Variants in ADAMTS20 observed in about 807,000 individuals in gnomAD.
ADAMTS20 encodes A disintegrin and metalloproteinase with thrombospondin motifs 20.
Under a neutral mutation model 260.1 loss-of-function variants are expected in ADAMTS20, and 225 were observed. That is an observed-to-expected ratio of 0.87 (90% CI 0.78 to 0.97). The LOEUF (loss-of-function observed/expected upper bound fraction) is 0.97, where lower values mean the gene tolerates loss of function less well. ADAMTS20 is among the 50% of genes least tolerant of loss of function. ADAMTS20 has a pLI of 0.00. For missense variants in ADAMTS20, 2,400 were observed against 2,337.7 expected (o/e 1.03, Z -0.55); for synonymous variants, 802 against 769.5 (o/e 1.04, Z -0.70).
downstream of ADAMTS20, among the ~76,000 whole-genome samples, chr12:43,353,049 C>A (rs1041306498): frequency 6.6e-6 from 1 of 151,966 alleles, no homozygotes; most frequent in Non-Finnish European, 1.5e-5. Context: ...TGGCAAAAAT[C>A]TATTAGTAGA....
At chr12:43,537,450 G>A (rs1034258879) in intron 2 of ADAMTS20, among the ~76,000 whole-genome samples, 11 of 152,100 alleles carry the variant, frequency 7.2e-5, no homozygotes, top group African/African-American at 2.4e-4. Flanking sequence ...TGTGAAATAA[G>A]CACATCATGG....
chr12:43,489,849 T>C lies in ADAMTS20; in HGVS notation c.1117+546A>G, dbSNP rs193007505. Among the ~76,000 whole-genome samples, 8 of 152,128 alleles carry C rather than the reference T, an allele frequency of 5.3e-5. No individual in the cohort carries two copies. In the East Asian group the frequency reaches 1.5e-3, roughly 29 times the overall value. The stretch of plus-strand genomic sequence containing the variant: ...TGAAATATATAACAGTGAAAATGCA[T>C]GAACTTTGACTACAGAATTCAAAAA... On this transcript the variant is annotated intron_variant, in intron 7 of 38. Coordinates refer to ENST00000389420, the MANE Select transcript of ADAMTS20 (RefSeq NM_025003.5).
chr12:43,466,647 C>A lies in ADAMTS20; in HGVS notation c.1367+5G>T, dbSNP rs1343380838. Reference sequence around the variant, plus strand: ...TGTTCAATTATTTAACATAAATTTACTTACTCTAGGAATTCAGTAACATAT... The same window carrying A: ...TGTTCAATTATTTAACATAAATTTAATTACTCTAGGAATTCAGTAACATAT... On this transcript the variant is annotated splice_donor_5th_base_variant and intron_variant, in intron 9 of 38. Coordinates refer to ENST00000389420, the MANE Select transcript of ADAMTS20 (RefSeq NM_025003.5). The A allele has an allele frequency of 6.3e-7, 1 of 1,599,678 alleles. No homozygotes were observed. Among genetic ancestry groups the A allele is most frequent in the East Asian group, 2.2e-5 (1 of 44,530 alleles).
intron 2 of ADAMTS20, among the ~76,000 whole-genome samples, chr12:43,543,468 T>C (rs1565588586): frequency 6.6e-6 from 1 of 152,180 alleles, no homozygotes; most frequent in Non-Finnish European, 1.5e-5. Flanking sequence ...AGGGTTGCAG[T>C]CATGCTGGTC....
At chr12:43,548,126 C>T (rs1943465312) in intron 2 of ADAMTS20, among the ~76,000 whole-genome samples, 1 of 152,080 alleles carries the variant, frequency 6.6e-6, no homozygotes, top group Admixed American at 6.6e-5. Context: ...TTTCAATATA[C>T]TCAGGAAAAA....
At chr12:43,447,060 T>C (rs1311611176) in intron 14 of ADAMTS20, among the ~76,000 whole-genome samples, 2 of 151,814 alleles carry the variant, frequency 1.3e-5, no homozygotes, top group African/African-American at 2.4e-5. Flanking sequence ...CTACTAGATG[T>C]ACAAATAAGA....
chr12:43,535,173 C>A (rs1419061360), intron 2 of ADAMTS20, among the ~76,000 whole-genome samples: 2 of 152,146 alleles, frequency 1.3e-5, no homozygotes, highest in Admixed American at 1.3e-4. Flanking sequence ...TAAAACTATT[C>A]TTCCCCACTA....
intron 2 of ADAMTS20, among the ~76,000 whole-genome samples, chr12:43,539,404 A>C (rs1260007920): frequency 1.3e-5 from 2 of 152,220 alleles, no homozygotes; most frequent in African/African-American, 2.4e-5. Flanking sequence ...TAGTTCAAAA[A>C]TTAATGAAAT....
intron 11 of ADAMTS20, among the ~76,000 whole-genome samples, chr12:43,459,354 G>T (rs1486455201): frequency 6.6e-6 from 1 of 152,196 alleles, no homozygotes; most frequent in Admixed American, 6.5e-5. Flanking sequence ...CTGAACACTA[G>T]TCACCGGGTT....
At chr12:43,364,783 A>G (rs1160017399) in intron 37 of ADAMTS20, among the ~76,000 whole-genome samples, 1 of 152,170 alleles carries the variant, frequency 6.6e-6, no homozygotes, top group Non-Finnish European at 1.5e-5. Flanking sequence ...CAGAAGAATT[A>G]AAAAGAGCAG....
At chr12:43,407,483 T>C (rs1940940880) in intron 28 of ADAMTS20, among the ~76,000 whole-genome samples, 1 of 151,680 alleles carries the variant, frequency 6.6e-6, no homozygotes, top group Non-Finnish European at 1.5e-5. Context: ...GATAATTTAC[T>C]ATAATTATTA....
At chr12:43,415,408 T>C (rs1197168407) in intron 28 of ADAMTS20, among the ~76,000 whole-genome samples, 27 of 152,190 alleles carry the variant, frequency 1.8e-4, no homozygotes, top group Admixed American at 1.8e-3. Context: ...TATACTAGAG[T>C]ACAACTTTCT....
At chr12:43,372,610 A>G (rs1430739792) in intron 36 of ADAMTS20, among the ~76,000 whole-genome samples, 1 of 152,236 alleles carries the variant, frequency 6.6e-6, no homozygotes, top group Non-Finnish European at 1.5e-5. Context: ...GACGAAAGAA[A>G]TAAAATGTTT....
intron 3 of ADAMTS20, among the ~76,000 whole-genome samples, chr12:43,515,359 T>A (rs1199761632): frequency 6.6e-6 from 1 of 152,242 alleles, no homozygotes; most frequent in African/African-American, 2.4e-5. Flanking sequence ...CCTTTTGTTA[T>A]TAACTCTGTA....
At chr12:43,357,993 A>G (rs562944058) in intron 37 of ADAMTS20, among the ~76,000 whole-genome samples, 1 of 152,338 alleles carries the variant, frequency 6.6e-6, no homozygotes, top group South Asian at 2.1e-4. Flanking sequence ...CAGGTTTTGC[A>G]CTGTATACCT....
At chr12:43,399,985 C>A (rs938167365) in intron 28 of ADAMTS20, among the ~76,000 whole-genome samples, 10 of 152,008 alleles carry the variant, frequency 6.6e-5, no homozygotes, top group African/African-American at 1.9e-4. Context: ...CATTTCATAA[C>A]CTGTCCAAGT....
intron 28 of ADAMTS20, among the ~76,000 whole-genome samples, chr12:43,411,039 A>G (rs1031866085): frequency 1.3e-5 from 2 of 152,236 alleles, no homozygotes; most frequent in African/African-American, 2.4e-5. Flanking sequence ...AGGGAAAAAC[A>G]TATCTTAAAA....
Position 43,356,487 on chromosome 12 carries a change from T to C in ADAMTS20, c.5640A>G (p.Ser1880=), listed in dbSNP as rs1391118056. The C allele has an allele frequency of 2.9e-5, 47 of 1,601,108 alleles. No individual in the cohort carries two copies. The highest frequency in any genetic ancestry group is 3.7e-5 in the Non-Finnish European group (43 of 1,172,334). ...GSYTSVSIRR[S]EDGTRFFGKC... The stretch of plus-strand genomic sequence containing the variant: ...TTTTTGGTCCCGCAGGACTTACCTC[T>C]GATCTTCGTATGCTGACAGAGGTAT... The change falls in exon 38 of 39, where the codon TCA becomes TCG. Residue 1880 remains serine, a synonymous_variant. Transcript: ENST00000389420.
intron 28 of ADAMTS20, among the ~76,000 whole-genome samples, chr12:43,411,836 G>A (rs1941038112): frequency 6.6e-6 from 1 of 152,046 alleles, no homozygotes; most frequent in South Asian, 2.1e-4. Context: ...TCCACATTTT[G>A]ACTTTAAAAA....
Sources: allele counts gnomAD v4.1 joint callset (sites outside exome capture counted in the v4.1 genomes callset), GRCh38; gene constraint gnomAD v4.1.1; transcripts MANE v1.5; gene names NCBI Gene and HGNC (gene_info 2026-07-23, HGNC 2026-07-21).